IGSF11: variants seen among roughly 807,000 people sequenced by gnomAD.
The protein encoded by IGSF11 is CXADR like 1.
Under a neutral mutation model 41.0 loss-of-function variants are expected in IGSF11, and 22 were observed. That is an observed-to-expected ratio of 0.54 (90% CI 0.38 to 0.77). IGSF11 has a LOEUF of 0.77. IGSF11 is among the 30% of genes least tolerant of loss of function. IGSF11 has a pLI of 0.00. For synonymous variants in IGSF11, 219 were observed against 201.3 expected (o/e 1.09, Z -0.74); for missense variants, 444 against 530.8 (o/e 0.84, Z 1.61).
At chr3:118,971,777 TG>T (rs1461605435) in intron 1 of IGSF11, among the ~76,000 whole-genome samples, 1 of 138,736 alleles carries the variant, frequency 7.2e-6, no homozygotes, top group Non-Finnish European at 1.5e-5. Flanking sequence ...CACTCCAGCC[TG>T]GAAGACAGAG....
chr3:118,945,548 G>A (rs1345851490), intron 1 of IGSF11, among the ~76,000 whole-genome samples: 3 of 152,082 alleles, frequency 2.0e-5, no homozygotes, highest in Non-Finnish European at 4.4e-5. Context: ...GAAAAGATAA[G>A]ACTAAATGAA....
At position 119,123,902 on chromosome 3, in the gene IGSF11, GC is replaced by G. The variant is rs1559880909; in HGVS notation, c.-13-18698del. On this transcript the variant is annotated intron_variant, in intron 1 of 7. Transcript: ENST00000425327. Reference sequence around the variant, plus strand: ...TTCTGAAAAGGATGGGTACAAATAAGCCCAGACTGTGAAGACTACAATAAAT... The same window carrying G: ...TTCTGAAAAGGATGGGTACAAATAAGCCAGACTGTGAAGACTACAATAAAT... 5.3e-5 allele frequency among the ~76,000 whole-genome samples: 8 copies of G among 152,282 alleles called. No homozygotes were observed. In the South Asian group the frequency reaches 1.5e-3, roughly 28 times the overall value.
chr3:119,049,680 C>T (rs1215002732), intron 1 of IGSF11, among the ~76,000 whole-genome samples: 1 of 152,178 alleles, frequency 6.6e-6, no homozygotes, highest in Middle Eastern at 3.2e-3. Context: ...AAAAAGAGCC[C>T]TCATTGACAA....
chr3:119,050,503 C>T (rs915115871), intron 1 of IGSF11, among the ~76,000 whole-genome samples: 68 of 151,834 alleles, frequency 4.5e-4, no homozygotes, highest in Non-Finnish European at 7.8e-4. Context: ...ACAACAGGTG[C>T]TGGAGAGGAT....
chr3:119,056,491 A>G (rs568510395), intron 1 of IGSF11, among the ~76,000 whole-genome samples: 1 of 152,304 alleles, frequency 6.6e-6, no homozygotes, highest in African/African-American at 2.4e-5. Flanking sequence ...TAGCTTACCA[A>G]CCAAAAAAAG....
chr3:119,072,131 C>T lies in IGSF11; in HGVS notation c.49+33013G>A, dbSNP rs780485522. ...GTCTGGCTATATTTAGCACGTCTTC[C>T]GTGAGATTTCTTTGTTTCCGTACAG... On this transcript the variant is annotated intron_variant, in intron 1 of 6. Transcript: ENST00000354673. Among the ~76,000 whole-genome samples, 18 of 152,258 alleles carry T rather than the reference C, an allele frequency of 1.2e-4. No homozygotes were observed. The South Asian group carries it at 1.5e-3, about 12-fold the overall frequency.
intron 1 of IGSF11, among the ~76,000 whole-genome samples, chr3:118,933,615 C>T (rs904575492): frequency 3.9e-5 from 6 of 151,952 alleles, no homozygotes; most frequent in African/African-American, 1.2e-4. Flanking sequence ...GTCGCACAGT[C>T]GCAAAGCTAG....
At chr3:119,007,651 G>T (rs1448393335) in intron 1 of IGSF11, among the ~76,000 whole-genome samples, 1 of 152,046 alleles carries the variant, frequency 6.6e-6, no homozygotes, top group African/African-American at 2.4e-5. Context: ...CAACACCACA[G>T]AAAGCAGGGT....
chr3:118,922,887 T>C (rs944307700), intron 4 of IGSF11, among the ~76,000 whole-genome samples: 1 of 152,114 alleles, frequency 6.6e-6, no homozygotes, highest in Non-Finnish European at 1.5e-5. Context: ...TTCTTCCCAC[T>C]TTCTTGCTTG....
intron 1 of IGSF11, among the ~76,000 whole-genome samples, chr3:118,985,649 TAA>T (rs1935179191): frequency 6.6e-6 from 1 of 152,182 alleles, no homozygotes; most frequent in Admixed American, 6.5e-5. Context: ...CAAAAGAACC[TAA>T]GAGTCACCCT....
intron 4 of IGSF11, among the ~76,000 whole-genome samples, chr3:118,920,405 C>T (rs893223391): frequency 8.0e-5 from 12 of 150,882 alleles, no homozygotes; most frequent in Non-Finnish European, 1.8e-4. Context: ...GAACCATACC[C>T]ATAATCAATG....
chr3:118,906,398 TG>T (rs1939607512), intron 4 of IGSF11, among the ~76,000 whole-genome samples: 1 of 152,194 alleles, frequency 6.6e-6, no homozygotes, highest in South Asian at 2.1e-4. Context: ...CACAGTTTTA[TG>T]GAAGTGTCCA....
chr3:119,004,269 C>A (rs1444374544), intron 1 of IGSF11, among the ~76,000 whole-genome samples: 1 of 151,584 alleles, frequency 6.6e-6, no homozygotes, highest in Non-Finnish European at 1.5e-5. Context: ...TTGTAGTATT[C>A]TCTGATGGTA....
chr3:118,911,339 T>C (rs1328832961), intron 4 of IGSF11, among the ~76,000 whole-genome samples: 2 of 152,194 alleles, frequency 1.3e-5, no homozygotes, highest in Non-Finnish European at 2.9e-5. Context: ...TCAGCACTTT[T>C]AGTGGGTGAA....
At chr3:119,037,025 G>A (rs1280269707), upstream of IGSF11, among the ~76,000 whole-genome samples, 1 of 152,206 alleles carries the variant, frequency 6.6e-6, no homozygotes, top group Non-Finnish European at 1.5e-5. Context: ...GAAGCTCCAA[G>A]TGCTGTACAC....
At position 118,902,881 on chromosome 3, in the gene IGSF11, G is replaced by C; in HGVS notation, c.935C>G (p.Thr312Ser). ...EISSSDNNTLTSSNAYNSRYW... is the reference protein window; with the variant it reads ...EISSSDNNTLSSSNAYNSRYW... ...TCGACTGTTGTAGGCATTGGAAGAG[G>C]TTAGTGTGTTGTTGTCCGAGGAGGA... The change falls in exon 7 of 7, where the codon ACC becomes AGC. Residue 312 changes from threonine (T) to serine (S), a missense_variant. Around this residue, in one of 3 missense-constraint regions of IGSF11, gnomAD observed 223 missense variants for 226.2 expected, o/e 0.99. Coordinates refer to ENST00000393775, the MANE Select transcript of IGSF11 (RefSeq NM_001015887.3). The C allele has an allele frequency of 6.2e-7, 1 of 1,614,198 alleles. No homozygotes were observed. Among genetic ancestry groups the C allele is most frequent in the Non-Finnish European group, 8.5e-7 (1 of 1,180,002 alleles).
At chr3:119,025,835 A>G (rs1939769721) in intron 1 of IGSF11, among the ~76,000 whole-genome samples, 1 of 152,216 alleles carries the variant, frequency 6.6e-6, no homozygotes, top group Admixed American at 6.5e-5. Context: ...GATGATCACT[A>G]AAACATTATG....
chr3:118,902,645 A>G lies in IGSF11; in HGVS notation c.1171T>C (p.Ser391Pro). The stretch of plus-strand genomic sequence containing the variant: ...GGAGGCCGAGGCTTCCTACTGACTG[A>G]GCCATTGCTCCTGGACATCACCTGT... Reference protein sequence around the residue: ...SPQVMSRSNGSVSRKPRPPHT... With the variant: ...SPQVMSRSNGPVSRKPRPPHT... Residue 391 changes from serine (S) to proline (P), a missense_variant, in exon 7 of 7, where the codon TCA (serine) becomes CCA (proline). Ser to Pro is a moderately conservative substitution (Grantham distance 74). Transcript: ENST00000393775. The G allele has an allele frequency of 6.2e-7, 1 of 1,614,018 alleles. No homozygotes were observed. The highest frequency in any genetic ancestry group is 1.1e-5 in the South Asian group (1 of 91,082).
intron 1 of IGSF11, among the ~76,000 whole-genome samples, chr3:119,082,718 ATTTAGTG>A (rs1460869269): frequency 1.3e-5 from 2 of 152,202 alleles, no homozygotes; most frequent in Non-Finnish European, 2.9e-5. Context: ...TTCAGTTTGT[ATTTAGTG>A]TTTAGTGTTT....
Sources: gnomAD v4.1 joint callset for allele counts (sites outside exome capture counted in the v4.1 genomes callset) on GRCh38, gnomAD v4.1.1 for gene constraint, gnomAD v4.1.1 regional missense constraint, MANE v1.5 for transcripts, NCBI Gene and HGNC (gene_info 2026-07-23, HGNC 2026-07-21) for gene names.